Variants in LDB2 observed in about 807,000 individuals in gnomAD.
LDB2 encodes LIM domain-binding protein 2.
LDB2 carries 12 observed loss-of-function variants against 44.3 expected under a neutral mutation model. That is an observed-to-expected ratio of 0.27 (90% CI 0.17 to 0.44). LDB2 has a LOEUF of 0.44. Ranked by LOEUF, LDB2 falls within the 20% of genes least tolerant of loss-of-function variation. The probability of loss-of-function intolerance (pLI) is 1.00; values close to 1 mark genes in which losing one functional copy is unlikely to be tolerated. For synonymous variants in LDB2, 164 were observed against 174.8 expected, an observed-to-expected ratio of 0.94 and a Z score of 0.49; for missense variants, 344 against 473.5, an observed-to-expected ratio of 0.73 and a Z score of 2.54.
At chr4:16,538,155 C>T (rs1732491762) in intron 5 of LDB2, among the ~76,000 whole-genome samples, 1 of 152,102 alleles carries the variant, frequency 6.6e-6, no homozygotes, top group Admixed American at 6.5e-5. Flanking sequence ...TTCTTGCCTC[C>T]CCTCTTAAAG....
Position 16,704,098 on chromosome 4 carries a change from G to GA in LDB2, c.235+55059dup, listed in dbSNP as rs535880038. Among the ~76,000 whole-genome samples the GA allele has an allele frequency of 4.0e-3, 606 of 152,088 alleles. 2 individuals are homozygous for GA. The highest frequency in any genetic ancestry group is 0.011 in the African/African-American group (449 of 41,490). ...CATCTTGAGTAGAGTCAACAAGACT[G>GA]AAAAAAAGGCACTCATTCATTCTAG... On this transcript the variant is annotated intron_variant, in intron 2 of 7. Coordinates refer to ENST00000304523, the MANE Select transcript of LDB2 (RefSeq NM_001290.5).
At chr4:16,559,170 A>C (rs1354187462) in intron 5 of LDB2, among the ~76,000 whole-genome samples, 4 of 152,228 alleles carry the variant, frequency 2.6e-5, no homozygotes, top group Admixed American at 6.5e-5. Context: ...CTAGCAAAAT[A>C]ACCAGCTAAC....
At chr4:16,686,359 C>G (rs1401048711) in intron 2 of LDB2, among the ~76,000 whole-genome samples, 1 of 152,184 alleles carries the variant, frequency 6.6e-6, no homozygotes, top group Non-Finnish European at 1.5e-5. Flanking sequence ...AATCATGATC[C>G]AAAGTGGGTG....
intron 2 of LDB2, among the ~76,000 whole-genome samples, chr4:16,739,610 G>GTGTATATATATATATA (rs1553994472): frequency 1.9e-5 from 1 of 52,624 alleles, no homozygotes; most frequent in Admixed American, 2.1e-4. Flanking sequence ...ATATATATAT[G>GTGTATATATATATATA]TATATATACA....
At chr4:16,624,212 G>A (rs990543620) in intron 2 of LDB2, among the ~76,000 whole-genome samples, 4 of 152,114 alleles carry the variant, frequency 2.6e-5, no homozygotes, top group Non-Finnish European at 4.4e-5. Context: ...ACACAGTGTA[G>A]CATCCCGTAA....
At chr4:16,654,510 T>C (rs1438302766) in intron 2 of LDB2, among the ~76,000 whole-genome samples, 1 of 152,080 alleles carries the variant, frequency 6.6e-6, no homozygotes, top group African/African-American at 2.4e-5. Context: ...AAGTTAAAAT[T>C]TGATATAAAT....
At position 16,619,425 on chromosome 4, in the gene LDB2, G is replaced by T. The variant is rs184188174; in HGVS notation, c.236-23550C>A. The stretch of plus-strand genomic sequence containing the variant: ...GATGCCATGTGGTAAGATAATTTTG[G>T]AAAATAAATTGGAAAGATGAAGTTT... On this transcript the variant is annotated intron_variant, in intron 2 of 7. Transcript: ENST00000304523. Among the ~76,000 whole-genome samples the T allele has an allele frequency of 2.4e-4, 37 of 152,228 alleles. No homozygotes were observed. The East Asian group carries it at 5.4e-3, about 22-fold the overall frequency.
At chr4:16,573,260 C>T (rs1323996637) in intron 5 of LDB2, among the ~76,000 whole-genome samples, 3 of 152,128 alleles carry the variant, frequency 2.0e-5, no homozygotes, top group African/African-American at 7.2e-5. Context: ...TCTGGTGGGT[C>T]CTTGGGGACA....
At chr4:16,522,874 A>G (rs13147400) in intron 5 of LDB2, among the ~76,000 whole-genome samples, 15,722 of 152,300 alleles carry the variant, frequency 0.1, 888 homozygotes, top group South Asian at 0.15. Context: ...GCCTGGAAAT[A>G]CACCACAATC....
intron 1 of LDB2, among the ~76,000 whole-genome samples, chr4:16,774,938 A>T (rs994864021): frequency 1.3e-5 from 2 of 152,256 alleles, no homozygotes; most frequent in African/African-American, 4.8e-5. Flanking sequence ...GTATCTTCAG[A>T]CAATGGTACA....
At chr4:16,881,923 A>G (rs952483308) in intron 1 of LDB2, among the ~76,000 whole-genome samples, 2 of 152,240 alleles carry the variant, frequency 1.3e-5, no homozygotes, top group Non-Finnish European at 2.9e-5. Context: ...TCCTCCTAAA[A>G]TCATCAGAGA....
At chr4:16,816,393 TTTTC>T (rs1274969506) in intron 1 of LDB2, among the ~76,000 whole-genome samples, 4 of 149,664 alleles carry the variant, frequency 2.7e-5, no homozygotes, top group Admixed American at 6.7e-5. Context: ...TTAGTTCTTA[TTTTC>T]TTTTTCTTTC....
chr4:16,641,096 A>G (rs1735024405), intron 2 of LDB2, among the ~76,000 whole-genome samples: 1 of 152,194 alleles, frequency 6.6e-6, no homozygotes, highest in Admixed American at 6.5e-5. Flanking sequence ...AACTGGAAGC[A>G]TTTTGGATTT....
chr4:16,775,546 C>A lies in LDB2; in HGVS notation c.133-16286G>T, dbSNP rs191061373. Among the ~76,000 whole-genome samples, 7 of 152,262 alleles carry A rather than the reference C, an allele frequency of 4.6e-5. No individual in the cohort carries two copies. The East Asian group carries it at 1.4e-3, about 29-fold the overall frequency. On this transcript the variant is annotated intron_variant, in intron 1 of 7. Transcript: ENST00000304523. ...AGAACAGTGCCTGGAATGCAGTAAG[C>A]ATCAACAATTGTTATCCATCATTAT...
chr4:16,512,148 A>T (rs1300633675), intron 5 of LDB2, 44 bp from the exon 6 acceptor site: 7 of 1,507,838 alleles, frequency 4.6e-6, no homozygotes, highest in Non-Finnish European at 6.3e-6. Context: ...ACTTCATAAC[A>T]CTAATTACAA....
At chr4:16,875,799 G>A (rs1224236597) in intron 1 of LDB2, among the ~76,000 whole-genome samples, 1 of 152,160 alleles carries the variant, frequency 6.6e-6, no homozygotes, top group African/African-American at 2.4e-5. Context: ...TGCTGGGGAT[G>A]ATATTTGCCT....
chr4:16,734,414 G>A (rs975009791), intron 2 of LDB2, among the ~76,000 whole-genome samples: 2 of 152,166 alleles, frequency 1.3e-5, no homozygotes, highest in African/African-American at 2.4e-5. Flanking sequence ...TTTCAGAAGT[G>A]GAATCTCTGT....
At chr4:16,739,610 GTATATATACA>G (rs1762613996) in intron 2 of LDB2, among the ~76,000 whole-genome samples, 2 of 52,612 alleles carry the variant, frequency 3.8e-5, no homozygotes, top group Non-Finnish European at 7.2e-5. Flanking sequence ...ATATATATAT[GTATATATACA>G]TGTGTGTGTA....
chr4:16,769,290 T>C (rs892407118), intron 1 of LDB2, among the ~76,000 whole-genome samples: 1 of 114,548 alleles, frequency 8.7e-6, no homozygotes, highest in Non-Finnish European at 1.9e-5. Context: ...GGATTCTTTT[T>C]ATTTTTTATT....
Sources: gnomAD v4.1 joint callset for allele counts (sites outside exome capture counted in the v4.1 genomes callset) on GRCh38, gnomAD v4.1.1 for gene constraint, MANE v1.5 for transcripts, NCBI Gene and HGNC (gene_info 2026-07-23, HGNC 2026-07-21) for gene names.